HAO1: variants seen among roughly 807,000 people sequenced by gnomAD.
HAO1 encodes hydroxyacid oxidase 1, also known as 2-Hydroxyacid oxidase 1.
HAO1 carries 34 observed loss-of-function variants against 39.7 expected under a neutral mutation model. The observed-to-expected ratio is 0.86, with a 90% CI of 0.65 to 1.14. The LOEUF (loss-of-function observed/expected upper bound fraction) is 1.14. Ranked by LOEUF, HAO1 falls within the 50% of genes most tolerant of loss-of-function variation. HAO1 has a pLI of 0.00. For missense variants in HAO1, 479 were observed against 464.5 expected, an observed-to-expected ratio of 1.03 and a Z score of -0.29; for synonymous variants, 172 against 173.2, an observed-to-expected ratio of 0.99 and a Z score of 0.05.
At chr20:7,912,180 G>A (rs1336498240) in intron 3 of HAO1, among the ~76,000 whole-genome samples, 1 of 152,140 alleles carries the variant, frequency 6.6e-6, no homozygotes, top group Non-Finnish European at 1.5e-5. Flanking sequence ...GCTGAAAAGA[G>A]TCTTTGTTTC....
chr20:7,913,824 T>A (rs917786346), intron 3 of HAO1, among the ~76,000 whole-genome samples: 1 of 152,124 alleles, frequency 6.6e-6, no homozygotes, highest in African/African-American at 2.4e-5. Context: ...AAATAAAAGG[T>A]AAAGGTGGCT....
chr20:7,931,790 A>T (rs568077212), intron 2 of HAO1, among the ~76,000 whole-genome samples: 2 of 152,108 alleles, frequency 1.3e-5, no homozygotes, highest in African/African-American at 4.8e-5. Flanking sequence ...GCCCAACTCC[A>T]CCAAGAATAA....
chr20:7,896,210 A>C (rs2050196945), intron 4 of HAO1, among the ~76,000 whole-genome samples: 2 of 152,220 alleles, frequency 1.3e-5, no homozygotes, highest in South Asian at 4.1e-4. Flanking sequence ...TTTATATTCT[A>C]AACTATTATT....
intron 2 of HAO1, among the ~76,000 whole-genome samples, chr20:7,932,214 C>G (rs760342806): frequency 3.9e-5 from 6 of 152,178 alleles, no homozygotes; most frequent in Non-Finnish European, 8.8e-5. Flanking sequence ...TTTCCTGAGG[C>G]CTCCCCAGCC....
intron 2 of HAO1, among the ~76,000 whole-genome samples, chr20:7,921,472 T>A (rs1032254307): frequency 3.3e-5 from 5 of 152,122 alleles, no homozygotes; most frequent in South Asian, 4.1e-4. Flanking sequence ...GGTGAGTCTG[T>A]GGAGAAAAGA....
intron 3 of HAO1, among the ~76,000 whole-genome samples, chr20:7,909,696 T>C (rs78485084): frequency 6.6e-6 from 1 of 151,928 alleles, no homozygotes; most frequent in Non-Finnish European, 1.5e-5. Flanking sequence ...ATAGTAACAC[T>C]ATTAATCATG....
chr20:7,917,415 A>T (rs540400473), intron 2 of HAO1, among the ~76,000 whole-genome samples: 2 of 151,918 alleles, frequency 1.3e-5, no homozygotes, highest in Non-Finnish European at 2.9e-5. Flanking sequence ...AAAGTAGGAG[A>T]ACTCAGCATG....
intron 3 of HAO1, 49 bp downstream of exon 3, chr20:7,914,115 A>C: frequency 6.2e-7 from 1 of 1,602,642 alleles, no homozygotes; most frequent in South Asian, 1.1e-5. Flanking sequence ...TAACATTCCC[A>C]GTCAAGATCC....
At chr20:7,902,896 A>T (rs940333375) in intron 4 of HAO1, among the ~76,000 whole-genome samples, 4 of 152,234 alleles carry the variant, frequency 2.6e-5, no homozygotes, top group Non-Finnish European at 4.4e-5. Flanking sequence ...TCTAATTTGC[A>T]TTCATTAAAA....
intron 2 of HAO1, among the ~76,000 whole-genome samples, chr20:7,930,803 C>T (rs1016393934): frequency 1.3e-5 from 2 of 152,184 alleles, no homozygotes; most frequent in Non-Finnish European, 2.9e-5. Flanking sequence ...ACACACCTAT[C>T]CATGGGCTCA....
intron 2 of HAO1, among the ~76,000 whole-genome samples, chr20:7,932,454 G>A (rs1324048081): frequency 6.6e-6 from 1 of 151,846 alleles, no homozygotes; most frequent in Non-Finnish European, 1.5e-5. Flanking sequence ...AAATCTAATT[G>A]TTATCATTTC....
At chr20:7,935,916 A>C (rs1224529960) in intron 1 of HAO1, among the ~76,000 whole-genome samples, 1 of 152,212 alleles carries the variant, frequency 6.6e-6, no homozygotes. Context: ...GCATTCACCT[A>C]GTATTTCCTA....
In HAO1 at chr20:7,905,084, C is replaced by T. The variant is rs558092126; in HGVS notation, c.721+1070G>A. 1.5e-4 allele frequency among the ~76,000 whole-genome samples: 23 copies of T among 152,306 alleles called. 1 individual carries two copies. In the Middle Eastern group the frequency reaches 0.017, roughly 113 times the overall value. On this transcript the variant is annotated intron_variant, in intron 4 of 7. Coordinates refer to ENST00000378789, the MANE Select transcript of HAO1 (RefSeq NM_017545.3). The stretch of plus-strand genomic sequence containing the variant: ...AGATGACGGATATGCTAATTACCCT[C>T]ATATGATTACTACACATTGTAGGTA...
chr20:7,895,510 G>GTATA (rs1308681717), intron 4 of HAO1, among the ~76,000 whole-genome samples: 1 of 150,400 alleles, frequency 6.6e-6, no homozygotes, highest in African/African-American at 2.5e-5. Context: ...CTTTATAAGG[G>GTATA]TATACTCTTG....
intron 6 of HAO1, 38 bp downstream of exon 6, chr20:7,885,668 G>C: frequency 6.3e-7 from 1 of 1,581,330 alleles, no homozygotes; most frequent in African/African-American, 1.3e-5. Context: ...TTACTGTCAA[G>C]TTGTCTATTT....
At chr20:7,889,772 T>C (rs537296866) in intron 5 of HAO1, among the ~76,000 whole-genome samples, 39 of 152,188 alleles carry the variant, frequency 2.6e-4, no homozygotes, top group Non-Finnish European at 5.0e-4. Flanking sequence ...TAGAAGTGTA[T>C]AATTCATATT....
Position 7,885,695 on chromosome 20 carries a change from T to C in HAO1, c.972+11A>G, listed in dbSNP as rs2050147709. 4.4e-6 allele frequency: 7 copies of C among 1,606,978 alleles called. No individual in the cohort carries two copies. The East Asian group carries it at 1.1e-4, about 26-fold the overall frequency. On this transcript the variant is annotated intron_variant, in intron 6 of 7. Coordinates refer to ENST00000378789, the MANE Select transcript of HAO1 (RefSeq NM_017545.3). Reference sequence around the variant, plus strand: ...TGTCTATTTTATATATTCATTTCTTTGTCCAGTTACCTGGAAAGCTAAGCC... The same window carrying C: ...TGTCTATTTTATATATTCATTTCTTCGTCCAGTTACCTGGAAAGCTAAGCC...
Position 7,906,299 on chromosome 20 carries a change from T to C in HAO1, c.576A>G (p.Ser192=). The C allele has an allele frequency of 2.5e-6, 4 of 1,611,192 alleles. No homozygotes were observed. Among genetic ancestry groups the C allele is most frequent in the Non-Finnish European group, 3.4e-6 (4 of 1,177,598 alleles). The stretch of plus-strand genomic sequence containing the variant: ...CTCCAAAATTTTCCTCAGGAGAAAA[T>C]GATAAAGTACTGGTTTCAAAATTTT... The part of the protein sequence containing the change: ...RMKNFETSTL[S]FSPEENFGDD... Residue 192 remains serine (S), a synonymous_variant, in exon 4 of 8, where the codon TCA becomes TCG. Coordinates refer to ENST00000378789, the MANE Select transcript of HAO1 (RefSeq NM_017545.3).
At chr20:7,908,324 G>A (rs759799090) in intron 3 of HAO1, among the ~76,000 whole-genome samples, 4 of 141,750 alleles carry the variant, frequency 2.8e-5, no homozygotes, top group East Asian at 1.9e-4. Flanking sequence ...CCCGGGAGGC[G>A]AGGTTGCAGT....
Sources: gnomAD v4.1 joint callset for allele counts (sites outside exome capture counted in the v4.1 genomes callset) on GRCh38, gnomAD v4.1.1 for gene constraint, MANE v1.5 for transcripts, NCBI Gene and HGNC (gene_info 2026-07-23, HGNC 2026-07-21) for gene names.